Variants in CHD2 observed in about 807,000 individuals in gnomAD.
CHD2 encodes ATP-dependent chromatin remodeler CHD2.
A neutral mutation model predicts 243.9 loss-of-function variants in CHD2; 28 were observed. The observed-to-expected ratio is 0.11, with a 90% CI of 0.09 to 0.16. CHD2 has a LOEUF of 0.16. Ranked by LOEUF, CHD2 falls within the 10% of genes least tolerant of loss-of-function variation. The pLI is 1.00. For synonymous variants in CHD2, 775 were observed against 779.0 expected (o/e 0.99, Z 0.09); for missense variants, 1,386 against 2,209.8 (o/e 0.63, Z 7.47).
chr15:92,921,100 G>A (rs999924910), intron 2 of CHD2, among the ~76,000 whole-genome samples: 3 of 151,686 alleles, frequency 2.0e-5, no homozygotes, highest in Non-Finnish European at 4.4e-5. Flanking sequence ...CTCGGTGGTG[G>A]TAACTGCTGT....
At position 92,972,209 on chromosome 15, in the gene CHD2, G is replaced by A. The variant is rs62023144; in HGVS notation, c.2353-56G>A. ...TAAAATATGGATTTGTAGAGATTAG[G>A]GAAGATTAAAATTTGTGTTTCAACA... is the stretch of plus-strand genomic sequence containing the variant. On this transcript the variant is annotated intron_variant, in intron 18 of 38. Coordinates refer to ENST00000394196, the MANE Select transcript of CHD2 (RefSeq NM_001271.4). The A allele has an allele frequency of 0.15, 225,619 of 1,548,416 alleles. 18,509 individuals carry two copies. Among genetic ancestry groups the A allele is most frequent in the Non-Finnish European group, 0.16 (184,728 of 1,131,520 alleles).
At chr15:93,008,117 G>A (rs1382271525) in intron 34 of CHD2, among the ~76,000 whole-genome samples, 1 of 152,152 alleles carries the variant, frequency 6.6e-6, no homozygotes, top group East Asian at 1.9e-4. Context: ...TTCCTCTGGG[G>A]CGGTCACATT....
intron 13 of CHD2, among the ~76,000 whole-genome samples, chr15:92,950,220 TAAC>T (rs762510201): frequency 1.3e-5 from 2 of 152,234 alleles, no homozygotes; most frequent in Non-Finnish European, 2.9e-5. Context: ...ACATAGGGCT[TAAC>T]AAAGAGTTAT....
At chr15:92,905,153 T>C (rs1233493876) in intron 2 of CHD2, 3 of 735,014 alleles carry the variant, frequency 4.1e-6, no homozygotes, top group Middle Eastern at 3.9e-4. Context: ...GTCAGAAAAC[T>C]ACTCTTTTAA....
rs114897752 is a variant in CHD2 at position 92,992,560 on chromosome 15, C to T, written c.3456-299C>T. ...TGTTCAGGCACTTCACCTGCTGCCA[C>T]TAACAGCCTATTTATTTAATAAACT... On this transcript the variant is annotated intron_variant, in intron 27 of 38. Transcript: ENST00000394196. 6.0e-3 allele frequency among the ~76,000 whole-genome samples: 913 copies of T among 152,314 alleles called. 9 individuals carry two copies. Among genetic ancestry groups the T allele is most frequent in the African/African-American group, 0.02 (836 of 41,570 alleles).
intron 16 of CHD2, chr15:92,965,398 T>G (rs1346321950): frequency 6.6e-6 from 1 of 151,466 alleles, no homozygotes. Context: ...CTACTAAAAA[T>G]ACAAAAAATT....
rs61035863 is a variant in CHD2 at position 93,019,306 on chromosome 15, G to A, written c.4907-706G>A. ...ATTACTCGCAGCTGTGAAACTCAGC[G>A]GTATCATTTTCTGAATTAGTTTGGT... On this transcript the variant is annotated intron_variant, in intron 37 of 38. Transcript: ENST00000394196. 8.2e-3 allele frequency among the ~76,000 whole-genome samples: 1,243 copies of A among 152,208 alleles called. 55 individuals carry two copies. The highest frequency in any genetic ancestry group is 0.071 in the Admixed American group (1,086 of 15,278).
At position 93,027,780 on chromosome 15, in the gene CHD2, T is replaced by C. The variant is rs1216594735; in HGVS notation, c.*3075T>C. 1 of 152,646 alleles carries C rather than the reference T, an allele frequency of 6.6e-6. No homozygotes were observed. The highest frequency in any genetic ancestry group is 1.9e-4 in the East Asian group (1 of 5,198). 9.5% of individuals were successfully genotyped at this position (152,646 alleles called of 1,614,324 possible). ...TTAGGCCATCTGTGCCCCACTCATCTGGGGACAGATGGTTTTTCTTTATTG... is the reference window on the plus strand; with the variant it reads ...TTAGGCCATCTGTGCCCCACTCATCCGGGGACAGATGGTTTTTCTTTATTG... On this transcript the variant is annotated 3_prime_UTR_variant, in exon 39 of 39. Coordinates refer to ENST00000394196, the MANE Select transcript of CHD2 (RefSeq NM_001271.4).
intron 4 of CHD2, among the ~76,000 whole-genome samples, chr15:92,927,806 C>T (rs952192427): frequency 6.6e-6 from 1 of 152,108 alleles, no homozygotes. Flanking sequence ...GGTTTCCTTG[C>T]TCATTTTTAG....
At chr15:92,970,495 C>A (rs1417006307) in intron 17 of CHD2, among the ~76,000 whole-genome samples, 1 of 152,170 alleles carries the variant, frequency 6.6e-6, no homozygotes, top group Non-Finnish European at 1.5e-5. Context: ...AGCCACCGCA[C>A]CTGGCCCATA....
chr15:92,992,150 A>C (rs190165137), intron 27 of CHD2, among the ~76,000 whole-genome samples: 145 of 152,326 alleles, frequency 9.5e-4, no homozygotes, highest in Admixed American at 3.1e-3. Context: ...TCTTCTGATA[A>C]ACTTCTTGAG....
Position 92,924,571 on chromosome 15 carries a change from AG to A in CHD2, c.294+20del, listed in dbSNP as rs759244635. On this transcript the variant is annotated intron_variant, in intron 3 of 38. Transcript: ENST00000394196. ...GAAGAAGGTATCTACTTTGCCCTGCAGTACAAATGTGCTGCTAGCCTAGGAC... is the reference window on the plus strand; with the variant it reads ...GAAGAAGGTATCTACTTTGCCCTGCATACAAATGTGCTGCTAGCCTAGGAC... 1 of 1,602,962 alleles carries A rather than the reference AG, an allele frequency of 6.2e-7. No homozygotes were observed. The highest frequency in any genetic ancestry group is 2.2e-5 in the East Asian group (1 of 44,818).
rs200032060 is a variant in CHD2, at chr15:92,971,449, ATG to A, written c.2190-304_2190-303del. ...GTAAATATGTAAAATGTATGTATGT[ATG>A]TGTGTGTGTGTATATATGTAAAGCA... is the stretch of plus-strand genomic sequence containing the variant. On this transcript the variant is annotated intron_variant, in intron 17 of 38. Coordinates refer to ENST00000394196, the MANE Select transcript of CHD2 (RefSeq NM_001271.4). 8.5e-3 allele frequency among the ~76,000 whole-genome samples: 1,287 copies of A among 151,958 alleles called. 54 individuals carry two copies. Among genetic ancestry groups the A allele is most frequent in the Admixed American group, 0.069 (1,058 of 15,232 alleles).
chr15:92,946,528 C>T (rs1258021855), intron 12 of CHD2: 2 of 163,762 alleles, frequency 1.2e-5, no homozygotes, highest in African/African-American at 4.8e-5. Context: ...GCTGTGTCGC[C>T]CAGGCTGGAG....
chr15:92,959,523 C>G (rs1000789257), intron 16 of CHD2, among the ~76,000 whole-genome samples: 1 of 152,234 alleles, frequency 6.6e-6, no homozygotes, highest in East Asian at 1.9e-4. Flanking sequence ...TGGAGCCTTG[C>G]TCTGTCACCC....
chr15:92,935,932 AT>A (rs879463429), intron 5 of CHD2, among the ~76,000 whole-genome samples: 483 of 144,922 alleles, frequency 3.3e-3, no homozygotes, highest in Middle Eastern at 7.1e-3. Flanking sequence ...TCTTTCATTG[AT>A]TTTTTTTTTT....
At position 92,994,400 on chromosome 15, in the gene CHD2, A is replaced by C. The variant is rs569787329; in HGVS notation, c.3595+1402A>C. ...TTTCTTTTTAAGATTTTAATAATAA[A>C]AAATTATTTTATTATTCAATAATAA... On this transcript the variant is annotated intron_variant, in intron 28 of 38. Coordinates refer to ENST00000394196, the MANE Select transcript of CHD2 (RefSeq NM_001271.4). 2.0e-5 allele frequency among the ~76,000 whole-genome samples: 3 copies of C among 151,914 alleles called. No individual in the cohort carries two copies. The South Asian group carries it at 6.2e-4, about 31-fold the overall frequency.
Position 92,972,408 on chromosome 15 carries a change from T to C in CHD2, c.2496T>C (p.Tyr832=). The C allele has an allele frequency of 6.3e-7, 1 of 1,596,690 alleles. No individual in the cohort carries two copies. Among genetic ancestry groups the C allele is most frequent in the Non-Finnish European group, 8.5e-7 (1 of 1,174,208 alleles). The change falls in exon 19 of 39, where the codon TAT becomes TAC. Residue 832 remains tyrosine (Y), a synonymous_variant. Coordinates refer to ENST00000394196, the MANE Select transcript of CHD2 (RefSeq NM_001271.4). ...CTGAATACCTAACTATTAAACACTATCCTTTCCAGGTAAGGTGATTTCAGT... is the reference window on the plus strand; with the variant it reads ...CTGAATACCTAACTATTAAACACTACCCTTTCCAGGTAAGGTGATTTCAGT... ...ILAEYLTIKH[Y]PFQRLDGSIK...
chr15:92,907,437 C>T (rs889758807), intron 2 of CHD2, among the ~76,000 whole-genome samples: 1 of 152,178 alleles, frequency 6.6e-6, no homozygotes, highest in Non-Finnish European at 1.5e-5. Context: ...GTTTCAGAAG[C>T]ATCCGGCTAA....
Sources: gnomAD v4.1 joint callset for allele counts (sites outside exome capture counted in the v4.1 genomes callset) on GRCh38, gnomAD v4.1.1 for gene constraint, MANE v1.5 for transcripts, NCBI Gene and HGNC (gene_info 2026-07-23, HGNC 2026-07-21) for gene names.